MGMT: variants seen among roughly 807,000 people sequenced by gnomAD.
MGMT encodes the protein methylated-DNA--protein-cysteine methyltransferase.
In MGMT, 14 loss-of-function variants were observed where a neutral mutation model predicts 15.9. The observed-to-expected ratio is 0.88, with a 90% CI of 0.58 to 1.37. The LOEUF is 1.37. Ranked by LOEUF, MGMT falls within the 40% of genes most tolerant of loss-of-function variation. The pLI is 0.00. For missense variants in MGMT, 282 were observed against 268.1 expected, an observed-to-expected ratio of 1.05 and a Z score of -0.36; for synonymous variants, 130 against 118.2, an observed-to-expected ratio of 1.10 and a Z score of -0.65.
intron 2 of MGMT, among the ~76,000 whole-genome samples, chr10:129,587,893 G>A (rs965743441): frequency 2.0e-5 from 3 of 151,836 alleles, no homozygotes; most frequent in African/African-American, 7.3e-5. Flanking sequence ...TGCTTTTCTT[G>A]TAATTTTTGA....
chr10:129,514,139 T>G (rs1845713145), intron 1 of MGMT, among the ~76,000 whole-genome samples: 1 of 152,250 alleles, frequency 6.6e-6, no homozygotes, highest in Non-Finnish European at 1.5e-5. Flanking sequence ...ACCTGCTGAA[T>G]TTTGTAATAA....
chr10:129,761,175 G>A (rs752765627), intron 4 of MGMT, among the ~76,000 whole-genome samples: 2 of 152,086 alleles, frequency 1.3e-5, no homozygotes, highest in Non-Finnish European at 2.9e-5. Flanking sequence ...CTGTGGATGC[G>A]AATGGGGTTT....
intron 1 of MGMT, among the ~76,000 whole-genome samples, chr10:129,476,185 T>C (rs997599919): frequency 2.0e-5 from 3 of 152,010 alleles, no homozygotes; most frequent in Non-Finnish European, 4.4e-5. Flanking sequence ...AGCCTTCCTG[T>C]TGTATTTTGC....
intron 3 of MGMT, among the ~76,000 whole-genome samples, chr10:129,749,059 A>G (rs370892317): frequency 6.6e-6 from 1 of 152,192 alleles, no homozygotes; most frequent in South Asian, 2.1e-4. Context: ...ACGTTTTATA[A>G]GTTTATAATA....
chr10:129,685,422 C>T (rs1487184118), intron 2 of MGMT, among the ~76,000 whole-genome samples: 1 of 152,190 alleles, frequency 6.6e-6, no homozygotes, highest in Non-Finnish European at 1.5e-5. Flanking sequence ...TCTTCCCCTC[C>T]CTGTCTAGTG....
chr10:129,520,314 T>G (rs1459976224), intron 1 of MGMT, among the ~76,000 whole-genome samples: 4 of 151,974 alleles, frequency 2.6e-5, no homozygotes, highest in Non-Finnish European at 5.9e-5. Flanking sequence ...AGAGGAGGAG[T>G]GGGGCTGCTA....
intron 2 of MGMT, among the ~76,000 whole-genome samples, chr10:129,605,995 A>G (rs1349083625): frequency 2.0e-5 from 3 of 151,956 alleles, no homozygotes; most frequent in Non-Finnish European, 4.4e-5. Context: ...TTGTTGTGGG[A>G]TTTGTGAGGG....
intron 1 of MGMT, among the ~76,000 whole-genome samples, chr10:129,483,930 C>T (rs1193898537): frequency 6.6e-6 from 1 of 151,702 alleles, no homozygotes; most frequent in Non-Finnish European, 1.5e-5. Context: ...GGGATGTGAC[C>T]CAAGTTTAAA....
intron 1 of MGMT, among the ~76,000 whole-genome samples, chr10:129,490,890 C>T (rs1310263909): frequency 6.6e-6 from 1 of 152,010 alleles, no homozygotes; most frequent in African/African-American, 2.4e-5. Context: ...TAATATACAC[C>T]CTGGACTTAC....
Position 129,556,691 on chromosome 10 carries a change from T to C in MGMT, c.125+20314T>C, listed in dbSNP as rs536272637. Among the ~76,000 whole-genome samples the C allele has an allele frequency of 6.6e-6, 1 of 152,302 alleles. No individual in the cohort carries two copies. Among genetic ancestry groups the C allele is most frequent in the South Asian group, 2.1e-4 (1 of 4,828 alleles). On this transcript the variant is annotated intron_variant, in intron 2 of 4. Coordinates refer to ENST00000651593, the MANE Select transcript of MGMT (RefSeq NM_002412.5). The surrounding 1 kb of genome is among the most constrained non-coding windows in gnomAD (Gnocchi z 4.3). ...AAAGTCAGGACGGGCAGGAGCGTTC[T>C]AGGCAAATGATGAAAATGGTATTTT...
At chr10:129,595,669 C>T (rs1253171659) in intron 2 of MGMT, among the ~76,000 whole-genome samples, 13 of 152,104 alleles carry the variant, frequency 8.5e-5, no homozygotes, top group Admixed American at 8.5e-4. Flanking sequence ...TGTCTGTGTC[C>T]CTCCTTGTGA....
intron 1 of MGMT, among the ~76,000 whole-genome samples, chr10:129,474,205 G>A (rs1845264142): frequency 6.6e-6 from 1 of 152,200 alleles, no homozygotes. Flanking sequence ...TGCTGCGCTG[G>A]GTGAAGGGCC....
chr10:129,648,557 A>G (rs1315222240), intron 2 of MGMT, among the ~76,000 whole-genome samples: 1 of 152,258 alleles, frequency 6.6e-6, no homozygotes, highest in East Asian at 1.9e-4. Context: ...AATAACAAAT[A>G]TGCAAGGAAG....
rs1847566781 is a variant in MGMT, at chr10:129,659,176, G to A, written c.126-48719G>A. 6.6e-6 allele frequency among the ~76,000 whole-genome samples: 1 copy of A among 152,086 alleles called. No individual in the cohort carries two copies. The highest frequency in any genetic ancestry group is 1.5e-5 in the Non-Finnish European group (1 of 68,022). The stretch of plus-strand genomic sequence containing the variant: ...GTTCGAGACCAGCCTGGCCAACACA[G>A]TGAAACCCCATCTCTACTAAAAATA... On this transcript the variant is annotated intron_variant, in intron 2 of 4. Transcript: ENST00000651593. This position sits in a 1 kb window ranked among gnomAD's most constrained non-coding sequence, Gnocchi z 4.1.
At chr10:129,616,722 T>C (rs898211965) in intron 2 of MGMT, among the ~76,000 whole-genome samples, 20 of 152,200 alleles carry the variant, frequency 1.3e-4, no homozygotes, top group Non-Finnish European at 2.5e-4. Flanking sequence ...CTCTACAGGT[T>C]AGAGCCTGGG....
chr10:129,713,195 C>G (rs1023306754), intron 3 of MGMT, among the ~76,000 whole-genome samples: 1 of 152,150 alleles, frequency 6.6e-6, no homozygotes, highest in African/African-American at 2.4e-5. Context: ...CACCGCTGTT[C>G]CCCTTGATTT....
intron 3 of MGMT, 66 bp from the exon 4 acceptor site, chr10:129,759,136 G>T (rs1848840788): frequency 3.2e-6 from 5 of 1,574,844 alleles, no homozygotes; most frequent in Admixed American, 1.7e-5. Flanking sequence ...GGGACTAGTG[G>T]CTATTTATAT....
Position 129,723,005 on chromosome 10 carries a change from C to CAAAAA in MGMT, c.274+14984_274+14988dup, listed in dbSNP as rs3039560. The stretch of plus-strand genomic sequence containing the variant: ...TGGGTGACAGAGGAAGACTCTATCA[C>CAAAAA]AAAAAAAAAAAAAAAAAAAAAAAAA... On this transcript the variant is annotated intron_variant, in intron 3 of 4. Transcript: ENST00000651593. Among the ~76,000 whole-genome samples the CAAAAA allele has an allele frequency of 2.2e-4, 13 of 60,254 alleles. 2 individuals carry two copies. Among genetic ancestry groups the CAAAAA allele is most frequent in the African/African-American group, 8.0e-4 (12 of 15,004 alleles). The allele number at this position is 60,254 out of a possible 152,430, so 39.5% of individuals were successfully genotyped here.
In MGMT at chr10:129,556,979, C is replaced by T. The variant is rs754853924; in HGVS notation, c.125+20602C>T. Among the ~76,000 whole-genome samples, 8 of 152,192 alleles carry T rather than the reference C, an allele frequency of 5.3e-5. No individual in the cohort carries two copies. The highest frequency in any genetic ancestry group is 1.2e-4 in the Non-Finnish European group (8 of 68,012). On this transcript the variant is annotated intron_variant, in intron 2 of 4. Coordinates refer to ENST00000651593, the MANE Select transcript of MGMT (RefSeq NM_002412.5). The surrounding 1 kb of genome is among the most constrained non-coding windows in gnomAD (Gnocchi z 4.3). ...GTCTTTCAGAACGTTTGTGCGGTGG[C>T]GTGTCCCTTCTGTAAATTGCTGTGA...
Sources: allele counts gnomAD v4.1 joint callset (sites outside exome capture counted in the v4.1 genomes callset), GRCh38; gene constraint gnomAD v4.1.1; non-coding constraint Gnocchi (gnomAD v3.1); transcripts MANE v1.5; gene names NCBI Gene and HGNC (gene_info 2026-07-23, HGNC 2026-07-21).